UBTD1: variants seen among roughly 807,000 people sequenced by gnomAD.
The protein encoded by UBTD1 is ubiquitin domain-containing protein 1.
Under a neutral mutation model 21.7 loss-of-function variants are expected in UBTD1, and 19 were observed. The ratio of observed to expected loss-of-function variants is 0.87; its 90% CI spans 0.61 to 1.28. The LOEUF (loss-of-function observed/expected upper bound fraction) is 1.28. UBTD1 is among the 50% of genes most tolerant of loss of function. The pLI is 0.00. For missense variants in UBTD1, 282 were observed against 315.1 expected, an observed-to-expected ratio of 0.89 and a Z score of 0.80; for synonymous variants, 116 against 135.1, an observed-to-expected ratio of 0.86 and a Z score of 0.98.
In UBTD1 at chr10:97,514,546, C is replaced by T. The variant is rs148785460; in HGVS notation, c.70+15273C>T. Among the ~76,000 whole-genome samples the T allele has an allele frequency of 5.9e-5, 9 of 152,310 alleles. No individual in the cohort carries two copies. In the East Asian group the frequency reaches 9.6e-4, roughly 16 times the overall value. ...GAGGACTAGCATCAGGACAGCTCCA[C>T]GTTGTTCAGGCCGGTTAGCATCGCC... On this transcript the variant is annotated intron_variant, in intron 1 of 2. Transcript: ENST00000370664.
At chr10:97,560,737 AT>A (rs923679150) in intron 1 of UBTD1, among the ~76,000 whole-genome samples, 7 of 150,504 alleles carry the variant, frequency 4.7e-5, no homozygotes, top group East Asian at 1.9e-4. Flanking sequence ...CTTCCTTGAA[AT>A]TTTTTTTTTA....
intron 1 of UBTD1, among the ~76,000 whole-genome samples, chr10:97,502,877 ATATATATACG>A (rs1384556700): frequency 2.4e-5 from 3 of 127,588 alleles, no homozygotes; most frequent in Non-Finnish European, 3.3e-5. Flanking sequence ...GTATATATGT[ATATATATACG>A]TATATATATG....
chr10:97,526,954 C>T (rs963022561), intron 1 of UBTD1, among the ~76,000 whole-genome samples: 2 of 151,188 alleles, frequency 1.3e-5, no homozygotes, highest in Non-Finnish European at 2.9e-5. Flanking sequence ...GGTGGATTAC[C>T]TGAGCTCAAG....
chr10:97,546,115 C>G (rs1009429809), intron 1 of UBTD1, among the ~76,000 whole-genome samples: 3 of 152,162 alleles, frequency 2.0e-5, no homozygotes, highest in African/African-American at 7.2e-5. Flanking sequence ...TAGCTTCATC[C>G]AACAGTGGAA....
At chr10:97,506,826 T>C (rs1281211065) in intron 1 of UBTD1, among the ~76,000 whole-genome samples, 2 of 152,240 alleles carry the variant, frequency 1.3e-5, no homozygotes, top group Admixed American at 6.5e-5. Flanking sequence ...TGGTGTAGCA[T>C]GTGTCAGAAT....
chr10:97,507,719 T>C (rs1389112381), intron 1 of UBTD1, among the ~76,000 whole-genome samples: 1 of 133,108 alleles, frequency 7.5e-6, no homozygotes, highest in Non-Finnish European at 1.5e-5. Flanking sequence ...GAGGTTGCAG[T>C]GAGCCAAGAT....
At chr10:97,511,342 C>G (rs563180364) in intron 1 of UBTD1, among the ~76,000 whole-genome samples, 1 of 152,176 alleles carries the variant, frequency 6.6e-6, no homozygotes, top group South Asian at 2.1e-4. Flanking sequence ...GGTGGGGGTA[C>G]ACACAGTGAG....
chr10:97,545,684 A>T (rs2040607709), intron 1 of UBTD1, among the ~76,000 whole-genome samples: 1 of 152,238 alleles, frequency 6.6e-6, no homozygotes, highest in South Asian at 2.1e-4. Flanking sequence ...AAGGTCACTT[A>T]GCGCTTTAGT....
At chr10:97,569,565 T>C (rs561331122) in intron 2 of UBTD1, among the ~76,000 whole-genome samples, 2 of 152,298 alleles carry the variant, frequency 1.3e-5, no homozygotes, top group South Asian at 2.1e-4. Flanking sequence ...ATGGCAGGTG[T>C]ATTAGTCTGC....
intron 1 of UBTD1, among the ~76,000 whole-genome samples, chr10:97,521,458 G>C (rs1306572556): frequency 2.6e-5 from 4 of 152,224 alleles, no homozygotes; most frequent in Non-Finnish European, 4.4e-5. Context: ...CAGCCTCCAG[G>C]GGTGGTGAGG....
chr10:97,506,573 G>T (rs1232422819), intron 1 of UBTD1, among the ~76,000 whole-genome samples: 9 of 151,540 alleles, frequency 5.9e-5, no homozygotes, highest in African/African-American at 2.2e-4. Context: ...TACATTCTTT[G>T]TATTTATTGT....
chr10:97,539,706 C>T (rs973290507), intron 1 of UBTD1, among the ~76,000 whole-genome samples: 3 of 152,064 alleles, frequency 2.0e-5, no homozygotes, highest in South Asian at 2.1e-4. Flanking sequence ...GGGGAGGGGA[C>T]GGCCTGCATG....
intron 1 of UBTD1, among the ~76,000 whole-genome samples, chr10:97,531,170 A>G (rs2040529786): frequency 6.7e-6 from 1 of 150,140 alleles, no homozygotes; most frequent in Non-Finnish European, 1.5e-5. Context: ...TACAGGCATG[A>G]GCCACTGCGC....
intron 1 of UBTD1, among the ~76,000 whole-genome samples, chr10:97,503,975 T>G (rs1050066761): frequency 2.6e-5 from 4 of 152,110 alleles, no homozygotes; most frequent in Admixed American, 1.3e-4. Flanking sequence ...CAAAACAGAA[T>G]GAACCCCCAT....
At chr10:97,545,370 C>G (rs1163787496) in intron 1 of UBTD1, among the ~76,000 whole-genome samples, 1 of 144,150 alleles carries the variant, frequency 6.9e-6, no homozygotes, top group Non-Finnish European at 1.5e-5. Flanking sequence ...TTTCTATTCT[C>G]TGGTAAGTAT....
chr10:97,553,168 G>A (rs1325570965), intron 1 of UBTD1, among the ~76,000 whole-genome samples: 1 of 152,198 alleles, frequency 6.6e-6, no homozygotes, highest in African/African-American at 2.4e-5. Flanking sequence ...TTTCACTCTT[G>A]TTGCCCAGGC....
intron 1 of UBTD1, among the ~76,000 whole-genome samples, chr10:97,516,156 G>A (rs73330727): frequency 3.3e-5 from 5 of 152,308 alleles, no homozygotes; most frequent in African/African-American, 1.2e-4. Context: ...CTCCAGGTTC[G>A]CTCAGGGGAA....
At chr10:97,564,058 T>C (rs2040706386) in intron 1 of UBTD1, among the ~76,000 whole-genome samples, 1 of 152,146 alleles carries the variant, frequency 6.6e-6, no homozygotes, top group African/African-American at 2.4e-5. Context: ...GTTGGGGTAC[T>C]ATAGATGACT....
chr10:97,534,530 C>G (rs1472854071), intron 1 of UBTD1, among the ~76,000 whole-genome samples: 1 of 151,760 alleles, frequency 6.6e-6, no homozygotes, highest in African/African-American at 2.4e-5. Flanking sequence ...TTCTACCACA[C>G]CACATTCAAG....
Sources: allele counts gnomAD v4.1 joint callset (sites outside exome capture counted in the v4.1 genomes callset), GRCh38; gene constraint gnomAD v4.1.1; transcripts MANE v1.5; gene names NCBI Gene and HGNC (gene_info 2026-07-23, HGNC 2026-07-21).